Variants in TMEM232 observed in about 807,000 individuals in gnomAD.
TMEM232 encodes transmembrane protein 232.
TMEM232 carries 80 observed loss-of-function variants against 78.8 expected under a neutral mutation model. That is an observed-to-expected ratio of 1.01 (90% CI 0.85 to 1.22). The LOEUF (loss-of-function observed/expected upper bound fraction) is 1.22, where lower values mean the gene tolerates loss of function less well. Among genes scored for constraint, TMEM232 ranks in the 50% most tolerant of loss-of-function variants. The pLI is 0.00. For synonymous variants in TMEM232, 297 were observed against 254.3 expected, an observed-to-expected ratio of 1.17 and a Z score of -1.60; for missense variants, 881 against 742.2, an observed-to-expected ratio of 1.19 and a Z score of -2.17.
At chr5:110,701,758 AG>A (rs1460834899) in intron 1 of TMEM232, among the ~76,000 whole-genome samples, 3 of 151,970 alleles carry the variant, frequency 2.0e-5, no homozygotes, top group African/African-American at 7.2e-5. Context: ...GACCATGCTG[AG>A]CTAAATTTTG....
Position 110,691,366 on chromosome 5 carries a change from T to C in TMEM232, c.-12-24002A>G, listed in dbSNP as rs149462216. On this transcript the variant is annotated intron_variant, in intron 1 of 13. Transcript: ENST00000455884. ...TCCTTTATTCACCATAGGAAGCCCT[T>C]TGTCTTTGATGCAAACTGCTAATGT... Among the ~76,000 whole-genome samples the C allele has an allele frequency of 4.1e-4, 62 of 152,326 alleles. 1 individual carries two copies. The East Asian group carries it at 9.6e-3, about 24-fold the overall frequency.
intron 1 of TMEM232, among the ~76,000 whole-genome samples, chr5:110,700,512 T>C (rs1795304556): frequency 6.6e-6 from 1 of 152,004 alleles, no homozygotes; most frequent in African/African-American, 2.4e-5. Flanking sequence ...GATATGCAGA[T>C]CAAAATAGAG....
At chr5:110,432,494 G>C (rs535006899) in intron 12 of TMEM232, among the ~76,000 whole-genome samples, 1 of 151,490 alleles carries the variant, frequency 6.6e-6, no homozygotes, top group African/African-American at 2.4e-5. Flanking sequence ...CTCTAAACAT[G>C]GGAAGGAAAG....
intron 12 of TMEM232, among the ~76,000 whole-genome samples, chr5:110,526,528 A>ATTGTTAAAACCCAAATG (rs1770629415): frequency 6.6e-6 from 1 of 151,990 alleles, no homozygotes; most frequent in Non-Finnish European, 1.5e-5. Context: ...TACCTCTCAG[A>ATTGTTAAAACCCAAATG]TTGTTAAAAC....
At chr5:110,696,053 A>T (rs1024022847) in intron 1 of TMEM232, among the ~76,000 whole-genome samples, 3 of 152,252 alleles carry the variant, frequency 2.0e-5, no homozygotes, top group African/African-American at 7.2e-5. Flanking sequence ...AAAAATCCTC[A>T]ATAAAATACT....
chr5:110,729,183 C>T (rs1375118336), upstream of TMEM232, among the ~76,000 whole-genome samples: 1 of 152,112 alleles, frequency 6.6e-6, no homozygotes, highest in Non-Finnish European at 1.5e-5. Flanking sequence ...CCGTGCCTGG[C>T]CCAGTCTTCT....
intron 11 of TMEM232, among the ~76,000 whole-genome samples, chr5:110,564,129 T>C (rs999463299): frequency 1.3e-5 from 2 of 152,000 alleles, no homozygotes; most frequent in Non-Finnish European, 1.5e-5. Flanking sequence ...TTAACATTAA[T>C]TTGTATCCAT....
At chr5:110,669,444 C>G (rs926033856) in intron 1 of TMEM232, among the ~76,000 whole-genome samples, 1 of 152,066 alleles carries the variant, frequency 6.6e-6, no homozygotes, top group Non-Finnish European at 1.5e-5. Flanking sequence ...AAGCTGAATC[C>G]CTGAATAGAC....
At chr5:110,568,946 T>C (rs1198873476) in intron 10 of TMEM232, among the ~76,000 whole-genome samples, 1 of 151,914 alleles carries the variant, frequency 6.6e-6, no homozygotes, top group Admixed American at 6.6e-5. Context: ...TAAAGAGGAA[T>C]CTGTTCAAAG....
chr5:110,717,656 T>C (rs1208669433), intron 1 of TMEM232, among the ~76,000 whole-genome samples: 1 of 152,130 alleles, frequency 6.6e-6, no homozygotes, highest in Non-Finnish European at 1.5e-5. Context: ...TCCTCACATG[T>C]TGAGAGAGGA....
At chr5:110,734,355 G>A (rs575866754) in intron 2 of TMEM232, among the ~76,000 whole-genome samples, 4 of 152,258 alleles carry the variant, frequency 2.6e-5, no homozygotes, top group African/African-American at 9.6e-5. Flanking sequence ...GCCCAAGCGG[G>A]CAAGCCAACT....
upstream of TMEM232, chr5:110,726,675 G>C (rs1170455958): frequency 6.6e-6 from 1 of 152,262 alleles, no homozygotes; most frequent in African/African-American, 2.4e-5. Context: ...TAAGGACGCT[G>C]TGGGAGTCGC....
At chr5:110,737,581 T>A (rs1373204793) in intron 1 of TMEM232, among the ~76,000 whole-genome samples, 1 of 152,220 alleles carries the variant, frequency 6.6e-6, no homozygotes, top group Admixed American at 6.5e-5. Context: ...ACGTGAAAGA[T>A]AATTAAGATT....
rs1400223475 is a variant in TMEM232 at position 110,586,619 on chromosome 5, GA to G, written c.1277-17995del. Among the ~76,000 whole-genome samples, 7 of 151,178 alleles carry G rather than the reference GA, an allele frequency of 4.6e-5. No homozygotes were observed. In the East Asian group the frequency reaches 1.2e-3, roughly 25 times the overall value. The stretch of plus-strand genomic sequence containing the variant: ...AATTACACATACAAATGTATCTCAA[GA>G]TTTTTTTTTACATCAAAAACATTCT... On this transcript the variant is annotated intron_variant, in intron 10 of 13. Coordinates refer to ENST00000455884, the MANE Select transcript of TMEM232 (RefSeq NM_001039763.4).
intron 1 of TMEM232, among the ~76,000 whole-genome samples, chr5:110,717,632 T>C (rs539789515): frequency 6.6e-6 from 1 of 152,276 alleles, no homozygotes; most frequent in Admixed American, 6.5e-5. Context: ...CATCTCGAAT[T>C]GTAACCTCCA....
chr5:110,625,886 A>C (rs973711068), intron 6 of TMEM232, among the ~76,000 whole-genome samples: 4 of 151,902 alleles, frequency 2.6e-5, no homozygotes, highest in Admixed American at 2.0e-4. Context: ...TAATAAAAAC[A>C]AGATGTTATT....
At chr5:110,638,492 G>A in intron 4 of TMEM232, 137 bp from the exon 5 acceptor site, 1 of 840,804 alleles carries the variant, frequency 1.2e-6, no homozygotes, top group Non-Finnish European at 1.8e-6. Flanking sequence ...AATTCTCTTT[G>A]ACACCTTTCT....
chr5:110,516,098 G>A (rs1479917938), intron 12 of TMEM232, among the ~76,000 whole-genome samples: 1 of 152,074 alleles, frequency 6.6e-6, no homozygotes, highest in African/African-American at 2.4e-5. Flanking sequence ...AATTACCCGG[G>A]CGTGGTGGCA....
At chr5:110,500,306 AAG>A (rs1427310216) in intron 12 of TMEM232, among the ~76,000 whole-genome samples, 2,700 of 144,730 alleles carry the variant, frequency 0.019, 126 homozygotes, top group African/African-American at 0.07. Context: ...AAAAAAAAAA[AAG>A]AAAGAAAGAA....
Sources: allele counts gnomAD v4.1 joint callset (sites outside exome capture counted in the v4.1 genomes callset), GRCh38; gene constraint gnomAD v4.1.1; transcripts MANE v1.5; gene names NCBI Gene and HGNC (gene_info 2026-07-23, HGNC 2026-07-21).